Variants in HEATR4 observed in about 807,000 individuals in gnomAD.
The protein encoded by HEATR4 is HEAT repeat containing 4.
Under a neutral mutation model 108.8 loss-of-function variants are expected in HEATR4, and 95 were observed. That is an observed-to-expected ratio of 0.87 (90% CI 0.74 to 1.04). The LOEUF is 1.04. Among genes scored for constraint, HEATR4 ranks in the 50% least tolerant of loss-of-function variants. The pLI, the probability that HEATR4 is intolerant of heterozygous loss-of-function variation, is 0.00. For missense variants in HEATR4, 1,152 were observed against 1,253.8 expected, an observed-to-expected ratio of 0.92 and a Z score of 1.23; for synonymous variants, 443 against 459.4, an observed-to-expected ratio of 0.96 and a Z score of 0.46.
At chr14:73,577,173 C>T in the HEATR4 span, among the ~76,000 whole-genome samples, 1 of 151,770 alleles carries the variant, frequency 6.6e-6, no homozygotes, top group African/African-American at 2.4e-5. Flanking sequence ...CTCAAACAAT[C>T]CTCCTGCCTC....
Position 73,539,123 on chromosome 14 carries a change from G to A in HEATR4, c.-151-8879C>T. 2 of 114,520 alleles carry A rather than the reference G, an allele frequency of 1.7e-5. 1 individual carries two copies. The highest frequency in any genetic ancestry group is 3.8e-5 in the Non-Finnish European group (2 of 52,530). The allele number at this position is 114,520 out of a possible 1,614,324, so 7.1% of individuals were successfully genotyped here. A position where few individuals can be genotyped will look rare whatever the true frequency, so the allele number is the denominator to read the frequency against. On this transcript the variant is annotated intron_variant, in intron 1 of 17. Coordinates refer to ENST00000553558, the MANE Select transcript of HEATR4 (RefSeq NM_001220484.1). ...ACTGTATTTCCATGGCAGCTAGGAG[G>A]TGCCAGGTGGCTGGGCCTGTGACAG...
chr14:73,551,118 C>G (rs1294551937), intron 1 of HEATR4, among the ~76,000 whole-genome samples: 8 of 110,412 alleles, frequency 7.2e-5, no homozygotes, highest in African/African-American at 2.1e-4. Context: ...GAGCTGAGAT[C>G]GTGCCATTGC....
At chr14:73,578,319 T>TC in the HEATR4 span, among the ~76,000 whole-genome samples, 1 of 149,906 alleles carries the variant, frequency 6.7e-6, no homozygotes, top group Non-Finnish European at 1.5e-5. Flanking sequence ...AGTCTTGATC[T>TC]CCAAGACTCA....
At chr14:73,521,553 G>A (rs1280901376) in intron 3 of HEATR4, among the ~76,000 whole-genome samples, 1 of 152,166 alleles carries the variant, frequency 6.6e-6, no homozygotes, top group Non-Finnish European at 1.5e-5. Flanking sequence ...ATTTATATTT[G>A]TCCAATAAAT....
the HEATR4 span, among the ~76,000 whole-genome samples, chr14:73,606,417 CG>C: frequency 6.6e-6 from 1 of 151,956 alleles, no homozygotes. Flanking sequence ...CTCAAACACT[CG>C]GGGAGACTGA....
upstream of HEATR4, among the ~76,000 whole-genome samples, chr14:73,560,317 A>C (rs1889501699): frequency 6.6e-6 from 1 of 152,054 alleles, no homozygotes; most frequent in Non-Finnish European, 1.5e-5. Context: ...CTCAAGCTGC[A>C]CTCAGATGGT....
intron 1 of HEATR4, among the ~76,000 whole-genome samples, chr14:73,532,853 G>C (rs1232196689): frequency 8.8e-6 from 1 of 113,644 alleles, no homozygotes; most frequent in African/African-American, 2.9e-5. Flanking sequence ...CTACTTGGAG[G>C]CTGAGGCAGG....
chr14:73,589,776 T>C, the HEATR4 span, among the ~76,000 whole-genome samples: 1 of 152,178 alleles, frequency 6.6e-6, no homozygotes, highest in South Asian at 2.1e-4. Flanking sequence ...ATGTTACAGT[T>C]CTTAAAGGCA....
At chr14:73,576,793 CAAAAAAAAAAAAA>C in the HEATR4 span, among the ~76,000 whole-genome samples, 2 of 12,106 alleles carry the variant, frequency 1.7e-4, no homozygotes, top group African/African-American at 4.3e-4. Flanking sequence ...GACACAGTCT[CAAAAAAAAAAAAA>C]AAAAAAAAAA....
the HEATR4 span, among the ~76,000 whole-genome samples, chr14:73,610,135 A>G: frequency 2.0e-5 from 3 of 151,918 alleles, no homozygotes; most frequent in Non-Finnish European, 1.5e-5. Context: ...TTGGACCTCA[A>G]AACTTCTTGC....
At chr14:73,609,279 G>C in the HEATR4 span, among the ~76,000 whole-genome samples, 7 of 152,186 alleles carry the variant, frequency 4.6e-5, no homozygotes, top group Non-Finnish European at 1.0e-4. Flanking sequence ...CTCTTCCTCT[G>C]TGGGTGATCT....
At chr14:73,478,920 T>C (rs1408434299) in intron 17 of HEATR4, 78 bp from the exon 18 acceptor site, 1 of 1,094,478 alleles carries the variant, frequency 9.1e-7, no homozygotes, top group South Asian at 1.5e-5. Context: ...TGAAGGCCTC[T>C]TTGGCTATAG....
the HEATR4 span, among the ~76,000 whole-genome samples, chr14:73,572,705 G>A: frequency 6.9e-6 from 1 of 144,922 alleles, no homozygotes; most frequent in Non-Finnish European, 1.5e-5. Context: ...TGGAGTAGTG[G>A]CACAATCTTG....
chr14:73,518,958 T>A, intron 5 of HEATR4, 65 bp downstream of exon 5: 3 of 1,508,600 alleles, frequency 2.0e-6, no homozygotes, highest in Non-Finnish European at 2.7e-6. Flanking sequence ...GAATAGTGGG[T>A]AATGATGGGA....
chr14:73,498,932 C>T (rs555426913), intron 13 of HEATR4, 139 bp downstream of exon 13: 1 of 735,546 alleles, frequency 1.4e-6, no homozygotes, highest in East Asian at 2.5e-5. Flanking sequence ...TTTCTCTTTT[C>T]AGACAAGGAA....
At chr14:73,574,836 G>C in the HEATR4 span, 39 of 1,607,788 alleles carry the variant, frequency 2.4e-5, 1 homozygote, top group South Asian at 3.7e-4. Context: ...TAACTTCCAG[G>C]GTGGACACAA....
At chr14:73,544,925 C>G (rs1168070407) in intron 1 of HEATR4, among the ~76,000 whole-genome samples, 2 of 90,618 alleles carry the variant, frequency 2.2e-5, no homozygotes, top group African/African-American at 7.2e-5. Context: ...GATACTGTCT[C>G]AAAAAAAAAA....
the HEATR4 span, chr14:73,612,807 G>C: frequency 7.1e-7 from 1 of 1,417,212 alleles, no homozygotes; most frequent in South Asian, 1.4e-5. Flanking sequence ...CAGCCCATGG[G>C]GCTGCTGTGG....
intron 1 of HEATR4, among the ~76,000 whole-genome samples, chr14:73,558,397 A>C (rs1889439134): frequency 1.5e-5 from 2 of 130,932 alleles, no homozygotes; most frequent in Non-Finnish European, 3.2e-5. Flanking sequence ...ACAGGGTCTC[A>C]CTCTCCTGGA....
Sources: gnomAD v4.1 joint callset for allele counts (sites outside exome capture counted in the v4.1 genomes callset) on GRCh38, gnomAD v4.1.1 for gene constraint, MANE v1.5 for transcripts, NCBI Gene and HGNC (gene_info 2026-07-23, HGNC 2026-07-21) for gene names.